SLC22A16: variants seen among roughly 807,000 people sequenced by gnomAD.
SLC22A16 encodes solute carrier family 22 member 16.
A neutral mutation model predicts 52.9 loss-of-function variants in SLC22A16; 53 were observed. The ratio of observed to expected loss-of-function variants is 1.00; its 90% confidence interval spans 0.80 to 1.26. The LOEUF (loss-of-function observed/expected upper bound fraction) is 1.26. SLC22A16 is among the 50% of genes most tolerant of loss of function. The pLI, the probability that SLC22A16 is intolerant of heterozygous loss-of-function variation, is 0.00. For missense variants in SLC22A16, 726 were observed against 704.0 expected (o/e 1.03, Z -0.35); for synonymous variants, 291 against 268.8 (o/e 1.08, Z -0.81).
intron 5 of SLC22A16, 69 bp downstream of exon 5, chr6:110,438,651 A>G: frequency 7.2e-6 from 11 of 1,528,484 alleles, no homozygotes; most frequent in Non-Finnish European, 9.7e-6. Context: ...ACTTAACTGT[A>G]ATAAGCTAAA....
At chr6:110,458,616 A>G (rs1303023047) in intron 1 of SLC22A16, among the ~76,000 whole-genome samples, 3 of 152,194 alleles carry the variant, frequency 2.0e-5, no homozygotes, top group Non-Finnish European at 4.4e-5. Context: ...CTGGCAAAAC[A>G]TTATTTCTGG....
intron 1 of SLC22A16, among the ~76,000 whole-genome samples, chr6:110,474,076 C>T (rs916770748): frequency 3.3e-5 from 5 of 152,142 alleles, no homozygotes; most frequent in African/African-American, 1.2e-4. Context: ...AACGTGAACC[C>T]CATTGTGAAC....
Position 110,475,529 on chromosome 6 carries a change from A to C in SLC22A16, c.53+993T>G, listed in dbSNP as rs1776432060. 2.0e-5 allele frequency among the ~76,000 whole-genome samples: 3 copies of C among 152,214 alleles called. No homozygotes were observed. The South Asian group carries it at 6.2e-4, about 32-fold the overall frequency. On this transcript the variant is annotated intron_variant, in intron 1 of 7. Transcript: ENST00000368919. ...GTCCTAACAGCTCCTTTTTGCAGAC[A>C]CTGGGAATCAAAACCAAAACGCATG...
At chr6:110,476,198 C>A in intron 1 of SLC22A16, 1 of 229,310 alleles carries the variant, frequency 4.4e-6, no homozygotes, top group Non-Finnish European at 8.0e-6. Flanking sequence ...GAGATCTGGC[C>A]CCTCGAGCCA....
At chr6:110,435,342 A>G (rs1312567224) in intron 6 of SLC22A16, among the ~76,000 whole-genome samples, 3 of 152,208 alleles carry the variant, frequency 2.0e-5, no homozygotes, top group Non-Finnish European at 4.4e-5. Flanking sequence ...ACACAGAGGT[A>G]AGACCCCTTG....
chr6:110,431,113 A>G lies in SLC22A16; in HGVS notation c.1521+58T>C, dbSNP rs150872930. The G allele has an allele frequency of 1.4e-5, 19 of 1,355,162 alleles. No individual in the cohort carries two copies. In the African/African-American group the frequency reaches 2.4e-4, roughly 17 times the overall value. The allele number at this position is 1,355,162 out of a possible 1,614,324, so 83.9% of individuals were successfully genotyped here. A position where few individuals can be genotyped will look rare whatever the true frequency, so the allele number is the denominator to read the frequency against. On this transcript the variant is annotated intron_variant, in intron 7 of 7. Transcript: ENST00000368919. ...AAATAACAATAGAGAAGTTGCTAAT[A>G]GGCAATTAGAAACTGCCTCCGTGCC...
intron 7 of SLC22A16, among the ~76,000 whole-genome samples, chr6:110,428,585 T>C (rs1411683433): frequency 6.6e-6 from 1 of 152,190 alleles, no homozygotes; most frequent in Non-Finnish European, 1.5e-5. Context: ...AGTATCTGCA[T>C]TATATGAAGA....
chr6:110,461,769 CCAAA>C (rs143262860), intron 1 of SLC22A16, among the ~76,000 whole-genome samples: 7,510 of 152,116 alleles, frequency 0.049, 220 homozygotes, highest in South Asian at 0.086. Context: ...AGAAACAAAG[CCAAA>C]CAATCATACG....
intron 6 of SLC22A16, among the ~76,000 whole-genome samples, chr6:110,434,554 C>G (rs764223753): frequency 8.2e-5 from 11 of 133,632 alleles, no homozygotes; most frequent in African/African-American, 1.1e-4. Context: ...TTTGGAAAAG[C>G]TTTGTAAAAG....
At chr6:110,469,806 GGGTGTTATT>G (rs1776199857) in intron 1 of SLC22A16, among the ~76,000 whole-genome samples, 1 of 152,174 alleles carries the variant, frequency 6.6e-6, no homozygotes, top group Non-Finnish European at 1.5e-5. Flanking sequence ...TTACACTAAT[GGGTGTTATT>G]GTCTGCTCTT....
intron 1 of SLC22A16, among the ~76,000 whole-genome samples, chr6:110,473,644 C>T (rs995293627): frequency 1.3e-5 from 2 of 150,242 alleles, no homozygotes; most frequent in African/African-American, 4.9e-5. Context: ...CCTGCCTCAG[C>T]CTCCCAAGTA....
intron 7 of SLC22A16, among the ~76,000 whole-genome samples, chr6:110,429,157 G>A (rs1227200412): frequency 4.0e-5 from 6 of 151,570 alleles, no homozygotes; most frequent in Non-Finnish European, 7.4e-5. Flanking sequence ...AAATAATAAG[G>A]AAAACAAGTG....
chr6:110,460,968 G>A (rs1775858377), intron 1 of SLC22A16, among the ~76,000 whole-genome samples: 1 of 152,216 alleles, frequency 6.6e-6, no homozygotes, highest in South Asian at 2.1e-4. Context: ...AAGGGACATG[G>A]AGAGGGGACT....
intron 1 of SLC22A16, among the ~76,000 whole-genome samples, chr6:110,465,348 G>A (rs1776026230): frequency 6.6e-6 from 1 of 151,968 alleles, no homozygotes. Flanking sequence ...AAAAAAGAGT[G>A]AAATTATCTC....
intron 1 of SLC22A16, chr6:110,475,039 G>A (rs768932871): frequency 5.8e-6 from 3 of 513,454 alleles, no homozygotes; most frequent in South Asian, 4.3e-5. Flanking sequence ...CCATTTTACA[G>A]ATAAGAAAGT....
intron 2 of SLC22A16, among the ~76,000 whole-genome samples, chr6:110,451,389 C>T (rs1775374742): frequency 6.6e-6 from 1 of 152,168 alleles, no homozygotes; most frequent in African/African-American, 2.4e-5. Context: ...TCAAGGTTAA[C>T]CCAATTTGGA....
chr6:110,473,447 A>C (rs1776331410), intron 1 of SLC22A16, among the ~76,000 whole-genome samples: 1 of 145,584 alleles, frequency 6.9e-6, no homozygotes, highest in Admixed American at 6.9e-5. Flanking sequence ...TTCAGGAGAA[A>C]TCCTGGAATG....
At chr6:110,425,465 G>A in intron 7 of SLC22A16, 2 of 1,265,966 alleles carry the variant, frequency 1.6e-6, no homozygotes, top group South Asian at 1.3e-5. Flanking sequence ...CTGAGCCCTG[G>A]GTCAGGACAT....
chr6:110,428,891 G>A lies in SLC22A16; in HGVS notation c.1521+2280C>T, dbSNP rs144474448. 3.2e-3 allele frequency among the ~76,000 whole-genome samples: 489 copies of A among 152,232 alleles called. 2 individuals are homozygous for A. The highest frequency in any genetic ancestry group is 0.011 in the African/African-American group (471 of 41,540). ...GCTGGGATCAGACCACTGCACTCCC[G>A]CCTGGTCGACAGAGCAAGACTCTGT... On this transcript the variant is annotated intron_variant, in intron 7 of 7. Transcript: ENST00000368919.
Sources: allele counts gnomAD v4.1 joint callset (sites outside exome capture counted in the v4.1 genomes callset), GRCh38; gene constraint gnomAD v4.1.1; transcripts MANE v1.5; gene names NCBI Gene and HGNC (gene_info 2026-07-23, HGNC 2026-07-21).